Variants in CACNA1E observed in about 807,000 individuals in gnomAD.
CACNA1E encodes calcium voltage-gated channel subunit alpha1 E.
A neutral mutation model predicts 259.2 loss-of-function variants in CACNA1E; 40 were observed. The ratio of observed to expected loss-of-function variants is 0.15; its 90% confidence interval spans 0.12 to 0.20. The LOEUF (loss-of-function observed/expected upper bound fraction) is 0.20, where lower values mean the gene tolerates loss of function less well. CACNA1E is among the 10% of genes least tolerant of loss of function. The probability of loss-of-function intolerance (pLI) is 1.00; values close to 1 mark genes in which losing one functional copy is unlikely to be tolerated. For missense variants in CACNA1E, 1,874 were observed against 3,040.1 expected (o/e 0.62, Z 9.02); for synonymous variants, 1,104 against 1,138.5 (o/e 0.97, Z 0.61).
At chr1:181,656,255 T>C (rs1659197546) in intron 7 of CACNA1E, among the ~76,000 whole-genome samples, 2 of 152,204 alleles carry the variant, frequency 1.3e-5, no homozygotes, top group South Asian at 4.1e-4. Context: ...TCATAGGAGA[T>C]GACAGCTCCC....
In CACNA1E at chr1:181,732,821, C is replaced by G. The variant is rs1477042511; in HGVS notation, c.2735C>G (p.Ala912Gly). ...GEAVVTFEDR[A>G]RHRQSQRRSR... ...GCTGTGGTGACCTTTGAGGACCGGG[C>G]CAGGCACAGGCAGAGCCAACGGCGC... Residue 912 changes from alanine to glycine, a missense_variant, in exon 20 of 48, where the codon GCC (alanine) becomes GGC (glycine). Ala to Gly is a moderately conservative substitution (Grantham distance 60). This residue lies in a region of CACNA1E where 476 missense variants were observed against 514.0 expected (regional missense o/e 0.93). Coordinates refer to ENST00000367573, the MANE Select transcript of CACNA1E (RefSeq NM_001205293.3). The surrounding 1 kb of genome is among the most constrained non-coding windows in gnomAD (Gnocchi z 5.5). 8.1e-6 allele frequency: 13 copies of G among 1,611,194 alleles called. No individual in the cohort carries two copies. Among genetic ancestry groups the G allele is most frequent in the Non-Finnish European group, 1.1e-5 (13 of 1,178,448 alleles).
intron 1 of CACNA1E, among the ~76,000 whole-genome samples, chr1:181,489,776 G>A (rs543646274): frequency 6.6e-6 from 1 of 152,290 alleles, no homozygotes; most frequent in Non-Finnish European, 1.5e-5. Context: ...AGGAATTACA[G>A]GGAGCAGGGG....
chr1:181,795,757 T>TTTTGC (rs949951097), intron 46 of CACNA1E, among the ~76,000 whole-genome samples: 4 of 145,738 alleles, frequency 2.7e-5, no homozygotes, highest in Admixed American at 6.8e-5. Context: ...CTTTTAAGCT[T>TTTTGC]TTTGCTTTAA....
chr1:181,740,992 AC>A (rs1656518397), intron 25 of CACNA1E, among the ~76,000 whole-genome samples: 1 of 152,166 alleles, frequency 6.6e-6, no homozygotes, highest in African/African-American at 2.4e-5. Context: ...AAGGAGACCC[AC>A]CTTTTTTGTT....
chr1:181,381,552 G>T (rs1655461251), intron 1 of CACNA1E, among the ~76,000 whole-genome samples: 1 of 152,090 alleles, frequency 6.6e-6, no homozygotes, highest in Admixed American at 6.6e-5. Context: ...ATACAAAGAA[G>T]TTTTTTGGGA....
chr1:181,719,192 T>C lies in CACNA1E; in HGVS notation c.1639-559T>C, dbSNP rs1443967059. Among the ~76,000 whole-genome samples the C allele has an allele frequency of 4.6e-5, 7 of 152,344 alleles. No individual in the cohort carries two copies. The East Asian group carries it at 1.3e-3, about 29-fold the overall frequency. ...ACAATATCTAGAACATAGTGGACAT[T>C]CAATAAATATATAATTAAAATAAAA... On this transcript the variant is annotated intron_variant, in intron 12 of 47. Transcript: ENST00000367573.
intron 3 of CACNA1E, among the ~76,000 whole-genome samples, chr1:181,539,204 T>C (rs1668398575): frequency 6.6e-6 from 1 of 152,238 alleles, no homozygotes; most frequent in East Asian, 1.9e-4. Context: ...ACTCGTTGAC[T>C]AGGCTCACCC....
chr1:181,712,178 T>C (rs1052198258), intron 8 of CACNA1E, among the ~76,000 whole-genome samples: 4 of 152,186 alleles, frequency 2.6e-5, no homozygotes, highest in Non-Finnish European at 5.9e-5. Context: ...TGGCTGTGGC[T>C]CAGATGCTTA....
At chr1:181,667,863 T>C (rs1389383517) in intron 7 of CACNA1E, among the ~76,000 whole-genome samples, 1 of 152,004 alleles carries the variant, frequency 6.6e-6, no homozygotes, top group African/African-American at 2.4e-5. Flanking sequence ...TTAACTTTTT[T>C]TTTGAAATAA....
intron 3 of CACNA1E, among the ~76,000 whole-genome samples, chr1:181,543,265 G>A (rs1312524727): frequency 2.6e-5 from 4 of 152,136 alleles, no homozygotes; most frequent in Non-Finnish European, 4.4e-5. Context: ...TGATGGGTGC[G>A]TGTGTCGGGA....
rs60257271 is a variant in CACNA1E at position 181,440,983 on chromosome 1, CAAAAAAAAAAAAAAAAAAAAA to C, written c.434+27419_434+27439del. ...GTGAGAGAGCGAGACGACCTTGTTT[CAAAAAAAAAAAAAAAAAAAAA>C]AAAAAAAAAAAAAAAGCGCCCAGCT... On this transcript the variant is annotated intron_variant, in intron 2 of 11. Transcript: ENST00000524607. Among the ~76,000 whole-genome samples, 230 of 38,190 alleles carry C rather than the reference CAAAAAAAAAAAAAAAAAAAAA, an allele frequency of 6.0e-3. 2 individuals carry two copies. Among genetic ancestry groups the C allele is most frequent in the African/African-American group, 0.021 (217 of 10,116 alleles). 25.1% of individuals were successfully genotyped at this position (38,190 alleles called of 152,430 possible).
intron 8 of CACNA1E, among the ~76,000 whole-genome samples, chr1:181,712,774 G>C (rs1653504943): frequency 6.6e-6 from 1 of 152,050 alleles, no homozygotes; most frequent in Non-Finnish European, 1.5e-5. Context: ...GGTCCCAGCT[G>C]TCCTTGGCTT....
rs1188442045 is a variant in CACNA1E at position 181,807,578 on chromosome 1, T to C, written c.*8744T>C. On this transcript the variant is annotated 3_prime_UTR_variant, in exon 48 of 48. Coordinates refer to ENST00000367573, the MANE Select transcript of CACNA1E (RefSeq NM_001205293.3). The stretch of plus-strand genomic sequence containing the variant: ...TTCTGCTTGAGGAGATATCTTCACC[T>C]AATCCTAGTGTTAATTATTTTAATC... 1 of 151,908 alleles carries C rather than the reference T, an allele frequency of 6.6e-6. No individual in the cohort carries two copies. The highest frequency in any genetic ancestry group is 1.5e-5 in the Non-Finnish European group (1 of 67,994). 9.4% of individuals were successfully genotyped at this position (151,908 alleles called of 1,614,324 possible).
chr1:181,441,016 A>T (rs1359226007), intron 2 of CACNA1E, among the ~76,000 whole-genome samples: 1 of 130,548 alleles, frequency 7.7e-6, no homozygotes, highest in Non-Finnish European at 1.6e-5. Flanking sequence ...AAAAAAAAAA[A>T]AAAGCGCCCA....
At chr1:181,411,154 G>C (rs1657811589) in intron 1 of CACNA1E, among the ~76,000 whole-genome samples, 1 of 152,206 alleles carries the variant, frequency 6.6e-6, no homozygotes, top group Non-Finnish European at 1.5e-5. Context: ...ATCTTGAAAA[G>C]GTGGTAAGTT....
chr1:181,623,915 T>C (rs1170503531), intron 6 of CACNA1E, among the ~76,000 whole-genome samples: 1 of 152,240 alleles, frequency 6.6e-6, no homozygotes, highest in African/African-American at 2.4e-5. Context: ...TTTTTCTTGC[T>C]ATAAAAGAAT....
intron 7 of CACNA1E, among the ~76,000 whole-genome samples, chr1:181,708,971 G>C (rs751188268): frequency 6.6e-6 from 1 of 152,170 alleles, no homozygotes; most frequent in South Asian, 2.1e-4. Context: ...GAGACAGGAG[G>C]TTGAGAGACC....
At chr1:181,779,525 A>G in intron 38 of CACNA1E, 1 of 453,580 alleles carries the variant, frequency 2.2e-6, no homozygotes, top group Non-Finnish European at 4.4e-6. Context: ...CTGCCCCTAC[A>G]GGGTGGCTTG....
At chr1:181,780,149 G>T (rs1660300554) in intron 38 of CACNA1E, among the ~76,000 whole-genome samples, 1 of 152,178 alleles carries the variant, frequency 6.6e-6, no homozygotes, top group Non-Finnish European at 1.5e-5. Flanking sequence ...CATGGATTTG[G>T]TGCTGTGTGG....
Sources: allele counts gnomAD v4.1 joint callset (sites outside exome capture counted in the v4.1 genomes callset), GRCh38; gene constraint gnomAD v4.1.1; regional missense constraint gnomAD v4.1.1; non-coding constraint Gnocchi (gnomAD v3.1); transcripts MANE v1.5; gene names NCBI Gene and HGNC (gene_info 2026-07-23, HGNC 2026-07-21).